Variants in ADCY1 observed in about 807,000 individuals in gnomAD.
ADCY1 encodes adenylate cyclase 1.
Under a neutral mutation model 105.4 loss-of-function variants are expected in ADCY1, and 28 were observed. The observed-to-expected ratio is 0.27, with a 90% CI of 0.20 to 0.36. The LOEUF (loss-of-function observed/expected upper bound fraction) is 0.36. Ranked by LOEUF, ADCY1 falls within the 10% of genes least tolerant of loss-of-function variation. The pLI, the probability that ADCY1 is intolerant of heterozygous loss-of-function variation, is 1.00. For missense variants in ADCY1, 977 were observed against 1,434.2 expected (o/e 0.68, Z 5.15); for synonymous variants, 655 against 623.8 (o/e 1.05, Z -0.75).
At position 45,575,192 on chromosome 7, in the gene ADCY1, G is replaced by A; in HGVS notation, c.639+10G>A. 1 of 1,582,016 alleles carries A rather than the reference G, an allele frequency of 6.3e-7. No homozygotes were observed. Among genetic ancestry groups the A allele is most frequent in the Non-Finnish European group, 8.6e-7 (1 of 1,164,636 alleles). On this transcript the variant is annotated intron_variant, in intron 1 of 19. Transcript: ENST00000297323. The surrounding 1 kb of genome is among the most constrained non-coding windows in gnomAD (Gnocchi z 4.7). The stretch of plus-strand genomic sequence containing the variant: ...ACGTCTCTGGAGGACGGTAAGTGCA[G>A]CCGCGCACCCCTCATCTGGTCTCGG...
intron 2 of ADCY1, among the ~76,000 whole-genome samples, chr7:45,597,189 G>A (rs1793099792): frequency 6.6e-6 from 1 of 152,164 alleles, no homozygotes; most frequent in Non-Finnish European, 1.5e-5. Context: ...TCCTCATCCT[G>A]TCCCAGCTGA....
At chr7:45,702,069 G>C (rs960994028) in intron 14 of ADCY1, among the ~76,000 whole-genome samples, 1 of 152,140 alleles carries the variant, frequency 6.6e-6, no homozygotes, top group Non-Finnish European at 1.5e-5. Flanking sequence ...CCCCATCCTC[G>C]TACCTGGCCC....
intron 8 of ADCY1, 63 bp from the exon 9 acceptor site, chr7:45,677,805 CA>C (rs1784484417): frequency 6.5e-7 from 1 of 1,538,806 alleles, no homozygotes; most frequent in Admixed American, 1.8e-5. Context: ...AGGGAGAGTA[CA>C]GGTGCTTTTC....
At chr7:45,637,940 C>T (rs1341849359) in intron 4 of ADCY1, among the ~76,000 whole-genome samples, 1 of 152,170 alleles carries the variant, frequency 6.6e-6, no homozygotes, top group African/African-American at 2.4e-5. Flanking sequence ...CATGCTGTCT[C>T]CAATAAGAAG....
intron 11 of ADCY1, among the ~76,000 whole-genome samples, chr7:45,680,141 A>T (rs1784528115): frequency 6.6e-6 from 1 of 152,224 alleles, no homozygotes; most frequent in South Asian, 2.1e-4. Flanking sequence ...TTGGGAGTGT[A>T]CCTGGTGGGC....
At position 45,603,589 on chromosome 7, in the gene ADCY1, G is replaced by T. The variant is rs543957738; in HGVS notation, c.790-6790G>T. ...AGCTTCCCCAGTGGCAACATCTGCAGAACTGTGGTACAATATCACAACTAG... is the reference window on the plus strand; with the variant it reads ...AGCTTCCCCAGTGGCAACATCTGCATAACTGTGGTACAATATCACAACTAG... On this transcript the variant is annotated intron_variant, in intron 2 of 19. Coordinates refer to ENST00000297323, the MANE Select transcript of ADCY1 (RefSeq NM_021116.4). 2.6e-5 allele frequency among the ~76,000 whole-genome samples: 4 copies of T among 152,276 alleles called. 1 individual carries two copies. In the South Asian group the frequency reaches 8.3e-4, roughly 32 times the overall value.
chr7:45,581,925 C>T (rs1187349661), intron 1 of ADCY1, among the ~76,000 whole-genome samples: 1 of 152,154 alleles, frequency 6.6e-6, no homozygotes, highest in Non-Finnish European at 1.5e-5. Context: ...CCCAAACATG[C>T]ATGCACATAA....
At position 45,678,016 on chromosome 7, in the gene ADCY1, C is replaced by G; in HGVS notation, c.1753C>G (p.Leu585Val). ...CCAGACAGAGCTGGAGATGGCAGAC[C>G]TGAACTTCTTTACCCTGAAGTACAA... is the stretch of plus-strand genomic sequence containing the variant. ...ARQTELEMAD[L>V]NFFTLKYKHV... The change falls in exon 9 of 20, where the codon CTG (leucine) becomes GTG (valine). Residue 585 changes from leucine (L) to valine (V), a missense_variant. By Grantham distance (32) the Leu-to-Val change is conservative. Transcript: ENST00000297323. 6.2e-7 allele frequency: 1 copy of G among 1,614,160 alleles called. No homozygotes were observed. The highest frequency in any genetic ancestry group is 8.5e-7 in the Non-Finnish European group (1 of 1,180,034).
intron 8 of ADCY1, 49 bp from the exon 9 acceptor site, chr7:45,677,820 A>C (rs1382141247): frequency 6.3e-7 from 1 of 1,578,308 alleles, no homozygotes; most frequent in African/African-American, 1.4e-5. Context: ...GCTTTTCTTC[A>C]ATAAGTGGAG....
At chr7:45,608,877 G>C (rs1256828551) in intron 2 of ADCY1, among the ~76,000 whole-genome samples, 1 of 152,152 alleles carries the variant, frequency 6.6e-6, no homozygotes, top group Non-Finnish European at 1.5e-5. Context: ...TCTCAGTGTA[G>C]ACCTTGGCCT....
chr7:45,717,000 A>G lies in ADCY1; in HGVS notation c.*3005A>G, dbSNP rs1238489325. On this transcript the variant is annotated 3_prime_UTR_variant, in exon 20 of 20. Coordinates refer to ENST00000297323, the MANE Select transcript of ADCY1 (RefSeq NM_021116.4). ...CCAGAAGGAGCTGAGTTTGGCAACAACCCAAGTGAGCCTGAAGCAGATTCG... is the reference window on the plus strand; with the variant it reads ...CCAGAAGGAGCTGAGTTTGGCAACAGCCCAAGTGAGCCTGAAGCAGATTCG... 6.6e-6 allele frequency: 1 copy of G among 152,426 alleles called. No individual in the cohort carries two copies. Among genetic ancestry groups the G allele is most frequent in the Non-Finnish European group, 1.5e-5 (1 of 68,228 alleles). The allele number at this position is 152,426 out of a possible 1,614,324, so 9.4% of individuals were successfully genotyped here. A position where few individuals can be genotyped will look rare whatever the true frequency, so the allele number is the denominator to read the frequency against.
Position 45,714,379 on chromosome 7 carries a change from T to C in ADCY1, c.*384T>C, listed in dbSNP as rs1179568823. The C allele has an allele frequency of 4.9e-6, 1 of 205,936 alleles. No homozygotes were observed. Among genetic ancestry groups the C allele is most frequent in the East Asian group, 1.2e-4 (1 of 8,504 alleles). The allele number at this position is 205,936 out of a possible 1,614,324, so 12.8% of individuals were successfully genotyped here. ...GGTTACAGCAAGAGCCACTGAGGTG[T>C]GGCTGGCAGAGCAACTGAGGAGCTC... On this transcript the variant is annotated 3_prime_UTR_variant, in exon 20 of 20. Transcript: ENST00000297323.
chr7:45,628,791 T>G (rs1434508934), intron 4 of ADCY1, among the ~76,000 whole-genome samples: 1 of 152,146 alleles, frequency 6.6e-6, no homozygotes, highest in Non-Finnish European at 1.5e-5. Flanking sequence ...CTTCCGATAA[T>G]GCGTGTGAGT....
intron 11 of ADCY1, 34 bp from the exon 12 acceptor site, chr7:45,684,945 G>C: frequency 6.3e-7 from 1 of 1,580,172 alleles, no homozygotes; most frequent in Non-Finnish European, 8.7e-7. Context: ...TTGGTAATCA[G>C]AGGGTATTTT....
chr7:45,619,931 T>C (rs973544268), intron 3 of ADCY1, among the ~76,000 whole-genome samples: 5 of 152,220 alleles, frequency 3.3e-5, no homozygotes, highest in African/African-American at 1.2e-4. Context: ...TTTCAACCTA[T>C]GTAGGTTTAT....
At chr7:45,675,666 T>C (rs1784442682) in intron 8 of ADCY1, among the ~76,000 whole-genome samples, 1 of 152,164 alleles carries the variant, frequency 6.6e-6, no homozygotes, top group South Asian at 2.1e-4. Context: ...AAGCACTTGA[T>C]GAATGTTTTC....
chr7:45,599,687 C>T (rs370594571), intron 2 of ADCY1, among the ~76,000 whole-genome samples: 5 of 151,096 alleles, frequency 3.3e-5, no homozygotes, highest in East Asian at 2.0e-4. Flanking sequence ...AGTACAGTGG[C>T]GCTATCTCAA....
At chr7:45,617,255 G>A (rs189608311) in intron 3 of ADCY1, among the ~76,000 whole-genome samples, 25 of 152,350 alleles carry the variant, frequency 1.6e-4, no homozygotes, top group Admixed American at 4.6e-4. Flanking sequence ...AGCAATCATG[G>A]TGTGGTCTGT....
rs1785490513 is a variant in ADCY1, at chr7:45,722,230, T to C, written c.*8235T>C. On this transcript the variant is annotated 3_prime_UTR_variant, in exon 20 of 20. Coordinates refer to ENST00000297323, the MANE Select transcript of ADCY1 (RefSeq NM_021116.4). ...GCACGCCCAGTGTGGGAGAGATGTATGGTCTTGCCTTCCACCTGTAAAAAC... is the reference window on the plus strand; with the variant it reads ...GCACGCCCAGTGTGGGAGAGATGTACGGTCTTGCCTTCCACCTGTAAAAAC... The C allele has an allele frequency of 5.4e-6, 1 of 185,254 alleles. No homozygotes were observed. Among genetic ancestry groups the C allele is most frequent in the African/African-American group, 2.3e-5 (1 of 42,938 alleles). The allele number at this position is 185,254 out of a possible 1,614,324, so 11.5% of individuals were successfully genotyped here.
Sources: allele counts gnomAD v4.1 joint callset (sites outside exome capture counted in the v4.1 genomes callset), GRCh38; gene constraint gnomAD v4.1.1; non-coding constraint Gnocchi (gnomAD v3.1); transcripts MANE v1.5; gene names NCBI Gene and HGNC (gene_info 2026-07-23, HGNC 2026-07-21).